LUZP2: variants seen among roughly 807,000 people sequenced by gnomAD.
LUZP2 encodes the protein leucine zipper protein 2.
Under a neutral mutation model 51.6 loss-of-function variants are expected in LUZP2, and 52 were observed. The observed-to-expected ratio is 1.01, with a 90% confidence interval of 0.81 to 1.27. The LOEUF is 1.27. Ranked by LOEUF, LUZP2 falls within the 50% of genes most tolerant of loss-of-function variation. The probability of loss-of-function intolerance (pLI) is 0.00; values close to 1 mark genes in which losing one functional copy is unlikely to be tolerated. For missense variants in LUZP2, 436 were observed against 395.4 expected, an observed-to-expected ratio of 1.10 and a Z score of -0.87; for synonymous variants, 154 against 137.3, an observed-to-expected ratio of 1.12 and a Z score of -0.85.
chr11:24,758,265 T>C (rs747986810), intron 4 of LUZP2, among the ~76,000 whole-genome samples: 7 of 152,064 alleles, frequency 4.6e-5, no homozygotes, highest in Admixed American at 1.3e-4. Context: ...GAGTGATATG[T>C]TCTAACTCAG....
intron 5 of LUZP2, among the ~76,000 whole-genome samples, chr11:24,837,811 A>C (rs1043391513): frequency 2.6e-5 from 4 of 151,662 alleles, no homozygotes; most frequent in Admixed American, 6.6e-5. Flanking sequence ...AATATACTAT[A>C]ATTCCCTTTA....
chr11:24,991,444 C>G (rs979611364), intron 9 of LUZP2, among the ~76,000 whole-genome samples: 1 of 144,672 alleles, frequency 6.9e-6, no homozygotes, highest in East Asian at 2.1e-4. Flanking sequence ...ACATATATCT[C>G]TCACAGTTTC....
intron 1 of LUZP2, among the ~76,000 whole-genome samples, chr11:24,725,441 C>A (rs573967550): frequency 5.6e-4 from 85 of 151,848 alleles, no homozygotes; most frequent in Middle Eastern, 3.5e-3. Context: ...TATGTAGATA[C>A]AAAAATCAAT....
intron 1 of LUZP2, among the ~76,000 whole-genome samples, chr11:24,718,869 A>G (rs1324716167): frequency 6.6e-6 from 1 of 152,238 alleles, no homozygotes; most frequent in East Asian, 1.9e-4. Context: ...AATACTAGGA[A>G]GAATTTAAAC....
At chr11:24,980,257 T>C (rs1355613478) in intron 8 of LUZP2, among the ~76,000 whole-genome samples, 1 of 147,666 alleles carries the variant, frequency 6.8e-6, no homozygotes, top group African/African-American at 2.5e-5. Context: ...CTTTGCAAGG[T>C]ATATCTTGTT....
chr11:24,862,112 TC>T lies in LUZP2; in HGVS notation c.397-43878del, dbSNP rs112014014. Among the ~76,000 whole-genome samples, 772 of 151,996 alleles carry T rather than the reference TC, an allele frequency of 5.1e-3. 10 individuals are homozygous for T. The highest frequency in any genetic ancestry group is 0.018 in the African/African-American group (726 of 41,450). ...CACATAATCATCAGATTCTCCAAGG[TC>T]AAAATGAAGGAAAAGCTGTGAGGTC... On this transcript the variant is annotated intron_variant, in intron 5 of 11. Transcript: ENST00000336930.
intron 5 of LUZP2, among the ~76,000 whole-genome samples, chr11:24,883,624 A>G (rs1052329796): frequency 1.1e-4 from 17 of 152,080 alleles, no homozygotes; most frequent in African/African-American, 3.9e-4. Context: ...GGCAAGCTTC[A>G]ATTAATTCAT....
chr11:24,690,827 A>G (rs1001369139), intron 1 of LUZP2, among the ~76,000 whole-genome samples: 1 of 152,068 alleles, frequency 6.6e-6, no homozygotes, highest in Admixed American at 6.6e-5. Flanking sequence ...TAGATGCTGA[A>G]CAGCCAAAAT....
intron 4 of LUZP2, among the ~76,000 whole-genome samples, chr11:24,746,254 C>T (rs919952886): frequency 7.9e-5 from 12 of 152,080 alleles, no homozygotes; most frequent in Admixed American, 7.2e-4. Flanking sequence ...TTGGTAGTGG[C>T]GAATTCACTC....
At chr11:24,910,779 C>G (rs1853606190) in intron 6 of LUZP2, among the ~76,000 whole-genome samples, 1 of 152,174 alleles carries the variant, frequency 6.6e-6, no homozygotes, top group African/African-American at 2.4e-5. Context: ...TACACAGAGT[C>G]ACCACCGCAT....
At chr11:24,953,358 A>T (rs1442616864) in intron 7 of LUZP2, among the ~76,000 whole-genome samples, 3 of 151,952 alleles carry the variant, frequency 2.0e-5, no homozygotes, top group African/African-American at 7.2e-5. Flanking sequence ...AGGAAAAAAA[A>T]ATACCTGTGG....
At chr11:24,615,463 C>A (rs1396001352) in intron 1 of LUZP2, among the ~76,000 whole-genome samples, 2 of 152,054 alleles carry the variant, frequency 1.3e-5, no homozygotes, top group Non-Finnish European at 2.9e-5. Flanking sequence ...TCTGGAGACT[C>A]ATCCAAATTG....
intron 9 of LUZP2, among the ~76,000 whole-genome samples, chr11:25,015,422 C>G (rs913028739): frequency 6.6e-6 from 1 of 152,164 alleles, no homozygotes; most frequent in Non-Finnish European, 1.5e-5. Context: ...GTTTTTCTTA[C>G]TAATATCCTT....
intron 5 of LUZP2, chr11:24,891,725 G>T (rs1435793635): frequency 2.5e-6 from 2 of 785,436 alleles, no homozygotes; most frequent in African/African-American, 3.7e-5. Context: ...AATAGAATCT[G>T]AGTTAAATGT....
intron 1 of LUZP2, among the ~76,000 whole-genome samples, chr11:24,696,616 C>G (rs979998255): frequency 6.6e-6 from 1 of 151,778 alleles, no homozygotes; most frequent in African/African-American, 2.4e-5. Flanking sequence ...GAACTCTTGA[C>G]TCTGGTAGGG....
rs187004797 is a variant in LUZP2 at position 24,821,047 on chromosome 11, A to G, written c.396+57739A>G. On this transcript the variant is annotated intron_variant, in intron 5 of 11. Coordinates refer to ENST00000336930, the MANE Select transcript of LUZP2 (RefSeq NM_001009909.4). The stretch of plus-strand genomic sequence containing the variant: ...AATATTTTGGAATGTCTTTTTCAAG[A>G]GTGTTATTAGGAAAAATGATTTATC... Among the ~76,000 whole-genome samples the G allele has an allele frequency of 5.8e-3, 884 of 152,250 alleles. 3 individuals carry two copies. Among genetic ancestry groups the G allele is most frequent in the Non-Finnish European group, 9.4e-3 (638 of 67,984 alleles).
intron 5 of LUZP2, chr11:24,890,870 C>T: frequency 1.0e-6 from 1 of 954,502 alleles, no homozygotes; most frequent in Non-Finnish European, 1.2e-6. Flanking sequence ...CATTTTAGGG[C>T]CATTTACAGG....
chr11:25,004,490 G>A (rs1856780118), intron 9 of LUZP2, among the ~76,000 whole-genome samples: 1 of 152,126 alleles, frequency 6.6e-6, no homozygotes, highest in Non-Finnish European at 1.5e-5. Context: ...AATGCCTCCA[G>A]ATTTTGTTCA....
intron 1 of LUZP2, among the ~76,000 whole-genome samples, chr11:24,575,323 G>A (rs184326475): frequency 8.6e-4 from 131 of 152,206 alleles, no homozygotes; most frequent in Non-Finnish European, 1.6e-3. Context: ...TCTTTGGTCA[G>A]TTATTGTTTC....
Sources: gnomAD v4.1 joint callset for allele counts (sites outside exome capture counted in the v4.1 genomes callset) on GRCh38, gnomAD v4.1.1 for gene constraint, MANE v1.5 for transcripts, NCBI Gene and HGNC (gene_info 2026-07-23, HGNC 2026-07-21) for gene names.